The following SHMT1 variants were observed in gnomAD, a reference collection of about 807,000 sequenced individuals.
SHMT1 encodes serine hydroxymethyltransferase, cytosolic.
In SHMT1, 45 loss-of-function variants were observed where a neutral mutation model predicts 49.0. The ratio of observed to expected loss-of-function variants is 0.92; its 90% CI spans 0.72 to 1.18. SHMT1 has a LOEUF of 1.18. Among genes scored for constraint, SHMT1 ranks in the 50% most tolerant of loss-of-function variants. The pLI is 0.00. For missense variants in SHMT1, 541 were observed against 612.4 expected, an observed-to-expected ratio of 0.88 and a Z score of 1.23; for synonymous variants, 232 against 246.6, an observed-to-expected ratio of 0.94 and a Z score of 0.55.
intron 7 of SHMT1, among the ~76,000 whole-genome samples, chr17:18,338,383 G>T (rs1449982081): frequency 4.0e-5 from 6 of 151,326 alleles, no homozygotes; most frequent in Non-Finnish European, 8.8e-5. Context: ...CCAGCCAGCC[G>T]CCCCGTCCGG....
At chr17:18,346,327 C>A (rs1425782739) in intron 5 of SHMT1, among the ~76,000 whole-genome samples, 1 of 152,150 alleles carries the variant, frequency 6.6e-6, no homozygotes, top group Non-Finnish European at 1.5e-5. Flanking sequence ...CAACACTGGA[C>A]ACTAAAAGAA....
At chr17:18,358,641 C>A (rs1254086021) in intron 1 of SHMT1, among the ~76,000 whole-genome samples, 2 of 152,172 alleles carry the variant, frequency 1.3e-5, no homozygotes, top group Non-Finnish European at 2.9e-5. Context: ...GTGGTTCATG[C>A]CTGTAATTCC....
chr17:18,335,755 A>G lies in SHMT1; in HGVS notation c.815-80T>C, dbSNP rs1020185211. On this transcript the variant is annotated intron_variant, in intron 7 of 11. Coordinates refer to ENST00000316694, the MANE Select transcript of SHMT1 (RefSeq NM_004169.5). ...TTTTAGGCTCAAACCCAGACTGGCC[A>G]GGGAAGAATCAAGCACAAGCCTGGC... The G allele has an allele frequency of 1.7e-5, 17 of 1,011,592 alleles. No homozygotes were observed. The African/African-American group carries it at 2.7e-4, about 16-fold the overall frequency. The allele number at this position is 1,011,592 out of a possible 1,614,324, so 62.7% of individuals were successfully genotyped here. A position where few individuals can be genotyped will look rare whatever the true frequency, so the allele number is the denominator to read the frequency against.
At chr17:18,337,751 T>G (rs1174765881) in intron 7 of SHMT1, among the ~76,000 whole-genome samples, 1 of 146,266 alleles carries the variant, frequency 6.8e-6, no homozygotes, top group Non-Finnish European at 1.5e-5. Flanking sequence ...TTCGTATTTT[T>G]TTGGTGGAGA....
chr17:18,335,674 TC>T lies in SHMT1; in HGVS notation c.815del (p.Gly272GlufsTer2). The T allele has an allele frequency of 6.2e-7, 1 of 1,606,864 alleles. No individual in the cohort carries two copies. Among genetic ancestry groups the T allele is most frequent in the Non-Finnish European group, 8.5e-7 (1 of 1,173,370 alleles). On this transcript the variant is annotated frameshift_variant and splice_region_variant, in exon 8 of 12. Coordinates refer to ENST00000316694, the MANE Select transcript of SHMT1 (RefSeq NM_004169.5). LOFTEE classifies it high-confidence loss of function. ...CAGTCTTGGGATCCACACTTTTCAC[TC>T]CTGGAGGAAGAAAAACATCACAGTG... ...CRAGMIFYRK[G>X]VKSVDPKTGK...
At chr17:18,353,029 T>C (rs1985880023) in intron 3 of SHMT1, among the ~76,000 whole-genome samples, 1 of 152,174 alleles carries the variant, frequency 6.6e-6, no homozygotes, top group Non-Finnish European at 1.5e-5. Context: ...TACATAGAGC[T>C]TCAGGGGCAT....
intron 3 of SHMT1, among the ~76,000 whole-genome samples, chr17:18,353,234 G>A (rs1355696286): frequency 2.0e-5 from 3 of 152,230 alleles, no homozygotes; most frequent in Non-Finnish European, 4.4e-5. Flanking sequence ...CACTGCATGT[G>A]TAAATCCAAC....
chr17:18,341,151 A>C (rs2151580515), intron 5 of SHMT1: 1 of 359,176 alleles, frequency 2.8e-6, no homozygotes, highest in Non-Finnish European at 5.3e-6. Context: ...CAAGACCAAA[A>C]TGCCTGCTAA....
At chr17:18,339,238 G>A (rs919561181) in intron 7 of SHMT1, among the ~76,000 whole-genome samples, 109 of 152,066 alleles carry the variant, frequency 7.2e-4, no homozygotes, top group African/African-American at 2.5e-3. Flanking sequence ...ATGAGGTAAT[G>A]GAAAGAAAAA....
At position 18,340,223 on chromosome 17, in the gene SHMT1, C is replaced by A. The variant is rs1272941802; in HGVS notation, c.634G>T (p.Ala212Ser). The stretch of plus-strand genomic sequence containing the variant: ...TCATCTGCAATCTTCCGTAGCCGGG[C>A]ATATTCCAGGTTTCGGGAGTAGCAG... ...TSCYSRNLEYARLRKIADENG... is the reference protein window; with the variant it reads ...TSCYSRNLEYSRLRKIADENG... Residue 212 changes from alanine to serine, a missense_variant, in exon 7 of 12, where the codon GCC becomes TCC. Coordinates refer to ENST00000316694, the MANE Select transcript of SHMT1 (RefSeq NM_004169.5). The surrounding 1 kb of genome is among the most constrained non-coding windows in gnomAD (Gnocchi z 4.5). 1 of 1,614,182 alleles carries A rather than the reference C, an allele frequency of 6.2e-7. No individual in the cohort carries two copies. The highest frequency in any genetic ancestry group is 1.1e-5 in the South Asian group (1 of 91,088).
At chr17:18,348,248 G>A (rs1231120582) in intron 4 of SHMT1, 77 bp downstream of exon 4, 7 of 954,508 alleles carry the variant, frequency 7.3e-6, no homozygotes, top group Non-Finnish European at 1.2e-5. Flanking sequence ...TCCATCTTAG[G>A]ACTCTTCTTG....
intron 1 of SHMT1, among the ~76,000 whole-genome samples, chr17:18,360,000 C>A (rs1986608181): frequency 6.6e-6 from 1 of 151,666 alleles, no homozygotes; most frequent in South Asian, 2.1e-4. Flanking sequence ...GTAACCCCAG[C>A]ACTTTGGGAG....
intron 5 of SHMT1, chr17:18,341,721 AC>A (rs1435075505): frequency 1.3e-5 from 2 of 152,254 alleles, no homozygotes; most frequent in African/African-American, 4.8e-5. Context: ...AATAACAAAA[AC>A]CATAAAAGGA....
intron 11 of SHMT1, 31 bp downstream of exon 11, chr17:18,329,247 G>T: frequency 6.9e-7 from 1 of 1,454,320 alleles, no homozygotes; most frequent in Non-Finnish European, 9.6e-7. Flanking sequence ...CACACAATAA[G>T]ATGTGGCAAC....
At chr17:18,347,412 T>C in intron 5 of SHMT1, 84 bp downstream of exon 5, 2 of 1,500,706 alleles carry the variant, frequency 1.3e-6, no homozygotes, top group Non-Finnish European at 1.9e-6. Flanking sequence ...TAGTGACACA[T>C]AAACCAAACT....
At chr17:18,330,772 G>C (rs1205838809) in intron 9 of SHMT1, 101 bp from the exon 10 acceptor site, 1 of 809,960 alleles carries the variant, frequency 1.2e-6, no homozygotes, top group East Asian at 2.5e-5. Context: ...AAGCAGATGA[G>C]GTCAGGAAGG....
chr17:18,338,780 T>A (rs964054982), intron 7 of SHMT1, among the ~76,000 whole-genome samples: 1 of 152,130 alleles, frequency 6.6e-6, no homozygotes, highest in Admixed American at 6.5e-5. Flanking sequence ...ATGTGCTGTG[T>A]CCACTCAGGG....
chr17:18,328,672 A>T lies in SHMT1; in HGVS notation c.*78T>A. 6.7e-7 allele frequency: 1 copy of T among 1,482,136 alleles called. No homozygotes were observed. Among genetic ancestry groups the T allele is most frequent in the Non-Finnish European group, 9.2e-7 (1 of 1,091,518 alleles). 91.8% of individuals were successfully genotyped at this position (1,482,136 alleles called of 1,614,324 possible). ...CAACAGTTCCCCTTTGGAGCAGCTC[A>T]TCCATCTCTCAGGTGGGGGTCCTCC... On this transcript the variant is annotated 3_prime_UTR_variant, in exon 12 of 12. Coordinates refer to ENST00000316694, the MANE Select transcript of SHMT1 (RefSeq NM_004169.5).
At chr17:18,347,775 C>T in intron 4 of SHMT1, 119 bp from the exon 5 acceptor site, 2 of 1,096,912 alleles carry the variant, frequency 1.8e-6, no homozygotes, top group South Asian at 2.7e-5. Context: ...TGTACCTTCC[C>T]TGAGCTCCAG....
Sources: gnomAD v4.1 joint callset for allele counts (sites outside exome capture counted in the v4.1 genomes callset) on GRCh38, gnomAD v4.1.1 for gene constraint, Gnocchi (gnomAD v3.1) non-coding constraint, MANE v1.5 for transcripts, NCBI Gene and HGNC (gene_info 2026-07-23, HGNC 2026-07-21) for gene names.